HS3ST5: variants seen among roughly 807,000 people sequenced by gnomAD.
HS3ST5 encodes the protein heparan sulfate-glucosamine 3-sulfotransferase 5.
In HS3ST5, 10 loss-of-function variants were observed where a neutral mutation model predicts 25.4. That is an observed-to-expected ratio of 0.39 (90% CI 0.24 to 0.67). The LOEUF (loss-of-function observed/expected upper bound fraction) is 0.67, where lower values mean the gene tolerates loss of function less well. HS3ST5 is among the 30% of genes least tolerant of loss of function. The pLI, the probability that HS3ST5 is intolerant of heterozygous loss-of-function variation, is 0.44. For missense variants in HS3ST5, 324 were observed against 420.7 expected (o/e 0.77, Z 2.01); for synonymous variants, 170 against 162.4 (o/e 1.05, Z -0.36).
rs560157516 is a variant in HS3ST5, at chr6:114,256,498, A to G, written c.-338-27720T>C. Among the ~76,000 whole-genome samples the G allele has an allele frequency of 1.1e-4, 16 of 152,210 alleles. 1 individual carries two copies. In the South Asian group the frequency reaches 3.3e-3, roughly 32 times the overall value. The stretch of plus-strand genomic sequence containing the variant: ...AAATTTCTTCTGACAGATACCCTAA[A>G]TCATCTCCTTCAAATTCAAAGTTCC... On this transcript the variant is annotated intron_variant, in intron 1 of 4. Transcript: ENST00000312719.
At chr6:114,250,523 G>A (rs1180975425) in intron 1 of HS3ST5, among the ~76,000 whole-genome samples, 2 of 151,402 alleles carry the variant, frequency 1.3e-5, no homozygotes, top group African/African-American at 2.4e-5. Context: ...AGAGCTTGCA[G>A]TGAGCCAAGA....
chr6:114,084,237 C>A lies in HS3ST5; in HGVS notation c.-32-21360G>T, dbSNP rs929347430. The A allele has an allele frequency of 1.5e-5, 16 of 1,084,976 alleles. No homozygotes were observed. In the African/African-American group the frequency reaches 2.2e-4, roughly 15 times the overall value. The allele number at this position is 1,084,976 out of a possible 1,614,324, so 67.2% of individuals were successfully genotyped here. A position where few individuals can be genotyped will look rare whatever the true frequency, so the allele number is the denominator to read the frequency against. Reference sequence around the variant, plus strand: ...CAATGGGAGCTGCAGACCAGTCTTCCGTGGCAGGCTGAGCACTCCAATATT... The same window carrying A: ...CAATGGGAGCTGCAGACCAGTCTTCAGTGGCAGGCTGAGCACTCCAATATT... On this transcript the variant is annotated intron_variant, in intron 3 of 4. Coordinates refer to ENST00000312719, the MANE Select transcript of HS3ST5 (RefSeq NM_153612.4).
chr6:114,060,685 T>C (rs555785406), intron 4 of HS3ST5, among the ~76,000 whole-genome samples: 3 of 152,196 alleles, frequency 2.0e-5, no homozygotes, highest in Admixed American at 6.5e-5. Context: ...GAGTGGCTGA[T>C]ATAGACAGTC....
At chr6:114,067,656 T>C (rs924931386) in intron 3 of HS3ST5, among the ~76,000 whole-genome samples, 15 of 152,286 alleles carry the variant, frequency 9.8e-5, no homozygotes, top group African/African-American at 3.6e-4. Flanking sequence ...AGACCTGATT[T>C]CTCCAGCATT....
intron 2 of HS3ST5, among the ~76,000 whole-genome samples, chr6:114,189,321 G>T (rs1409252835): frequency 6.6e-6 from 1 of 151,376 alleles, no homozygotes; most frequent in Non-Finnish European, 1.5e-5. Context: ...ATTTTTCTTT[G>T]TCCTCAGTGT....
At chr6:114,179,147 G>A (rs1277984919) in intron 2 of HS3ST5, 1 of 152,140 alleles carries the variant, frequency 6.6e-6, no homozygotes, top group African/African-American at 2.4e-5. Context: ...CAGAATGTAA[G>A]CTCCATGAAG....
At chr6:114,255,887 C>T (rs1251014049) in intron 1 of HS3ST5, among the ~76,000 whole-genome samples, 1 of 152,118 alleles carries the variant, frequency 6.6e-6, no homozygotes, top group African/African-American at 2.4e-5. Flanking sequence ...CTGCAAAGGT[C>T]TCTGACATGC....
intron 3 of HS3ST5, among the ~76,000 whole-genome samples, chr6:114,105,226 T>A (rs776379912): frequency 6.6e-6 from 1 of 152,184 alleles, no homozygotes; most frequent in Non-Finnish European, 1.5e-5. Flanking sequence ...AAAAGTGATA[T>A]ATAATCCCTC....
chr6:114,165,400 G>C (rs1169441659), intron 3 of HS3ST5, among the ~76,000 whole-genome samples: 1 of 152,020 alleles, frequency 6.6e-6, no homozygotes, highest in African/African-American at 2.4e-5. Flanking sequence ...CTACATCTTT[G>C]GTCTTTGTTT....
At chr6:114,199,322 T>C (rs1276770079) in intron 2 of HS3ST5, among the ~76,000 whole-genome samples, 1 of 152,282 alleles carries the variant, frequency 6.6e-6, no homozygotes, top group African/African-American at 2.4e-5. Context: ...AAATAAATAC[T>C]CTGCTCTTTC....
intron 3 of HS3ST5, among the ~76,000 whole-genome samples, chr6:114,130,849 G>T (rs1337179807): frequency 6.6e-6 from 1 of 152,138 alleles, no homozygotes; most frequent in Non-Finnish European, 1.5e-5. Flanking sequence ...GATTACAGGT[G>T]TGAGCCACCG....
intron 3 of HS3ST5, among the ~76,000 whole-genome samples, chr6:114,067,883 G>T (rs956552081): frequency 1.3e-5 from 2 of 152,108 alleles, no homozygotes; most frequent in Non-Finnish European, 2.9e-5. Context: ...GTTTGGTTTT[G>T]TAATGGAAAT....
chr6:114,071,885 A>G (rs1042653458), intron 3 of HS3ST5, among the ~76,000 whole-genome samples: 1 of 152,194 alleles, frequency 6.6e-6, no homozygotes, highest in African/African-American at 2.4e-5. Context: ...TTATGGAACC[A>G]TTAAAAATAA....
intron 1 of HS3ST5, among the ~76,000 whole-genome samples, chr6:114,330,227 C>T (rs2114912955): frequency 6.6e-6 from 1 of 152,106 alleles, no homozygotes; most frequent in African/African-American, 2.4e-5. Context: ...GAAAGAAAAA[C>T]CAAGAAAATA....
At chr6:114,165,814 C>T (rs1779182303) in intron 3 of HS3ST5, among the ~76,000 whole-genome samples, 1 of 152,056 alleles carries the variant, frequency 6.6e-6, no homozygotes, top group Admixed American at 6.6e-5. Context: ...TTTTAGCTTC[C>T]TTGTTGGTAA....
chr6:114,231,898 G>T (rs1771612060), intron 1 of HS3ST5, among the ~76,000 whole-genome samples: 1 of 151,962 alleles, frequency 6.6e-6, no homozygotes, highest in Non-Finnish European at 1.5e-5. Context: ...AGGAAACAGA[G>T]CTGAGAAACA....
chr6:114,059,611 T>C (rs1282222395), intron 4 of HS3ST5: 2 of 152,102 alleles, frequency 1.3e-5, no homozygotes, highest in Non-Finnish European at 1.5e-5. Flanking sequence ...TGAGTTCTCA[T>C]GAGATTTGAT....
At chr6:114,331,202 A>C (rs947764621) in intron 1 of HS3ST5, among the ~76,000 whole-genome samples, 6 of 152,214 alleles carry the variant, frequency 3.9e-5, no homozygotes, top group Non-Finnish European at 8.8e-5. Flanking sequence ...AGGGCAATGG[A>C]ATTATTGGTA....
At chr6:114,338,056 C>T (rs1402098482) in intron 1 of HS3ST5, among the ~76,000 whole-genome samples, 2 of 151,870 alleles carry the variant, frequency 1.3e-5, no homozygotes, top group Non-Finnish European at 2.9e-5. Flanking sequence ...TTGTCAGGCA[C>T]ATAATAAAAT....
Sources: allele counts gnomAD v4.1 joint callset (sites outside exome capture counted in the v4.1 genomes callset), GRCh38; gene constraint gnomAD v4.1.1; transcripts MANE v1.5; gene names NCBI Gene and HGNC (gene_info 2026-07-23, HGNC 2026-07-21).